TMC5: variants seen among roughly 807,000 people sequenced by gnomAD.
The protein encoded by TMC5 is transmembrane channel like 5, also known as transmembrane channel-like protein 5.
In TMC5, 86 loss-of-function variants were observed where a neutral mutation model predicts 110.5. That is an observed-to-expected ratio of 0.78 (90% CI 0.65 to 0.93). TMC5 has a LOEUF of 0.93. Among genes scored for constraint, TMC5 ranks in the 40% least tolerant of loss-of-function variants. The probability of loss-of-function intolerance (pLI) is 0.00; values close to 1 mark genes in which losing one functional copy is unlikely to be tolerated. For missense variants in TMC5, 1,144 were observed against 1,222.8 expected (o/e 0.94, Z 0.96); for synonymous variants, 455 against 439.5 (o/e 1.04, Z -0.44).
At chr16:19,455,557 C>A (rs1486553876) in intron 5 of TMC5, among the ~76,000 whole-genome samples, 1 of 152,188 alleles carries the variant, frequency 6.6e-6, no homozygotes, top group Non-Finnish European at 1.5e-5. Flanking sequence ...TTTTTCTCTA[C>A]CATCCTTAGC....
At chr16:19,452,763 T>A (rs1967779310) in intron 5 of TMC5, among the ~76,000 whole-genome samples, 2 of 152,184 alleles carry the variant, frequency 1.3e-5, no homozygotes, top group Admixed American at 1.3e-4. Flanking sequence ...TGTGCAGCAT[T>A]CCTTCCTCCA....
At chr16:19,494,656 A>C (rs2143776360) in intron 20 of TMC5, among the ~76,000 whole-genome samples, 1 of 152,228 alleles carries the variant, frequency 6.6e-6, no homozygotes, top group East Asian at 1.9e-4. Context: ...AAAATACAAA[A>C]GTTAGCTGGG....
chr16:19,479,411 G>A lies in TMC5; in HGVS notation c.2170-20G>A. ...AGGCCACAGCCCCTTCCCACATCCTGACTCTTGTTTGCCTTCCAGTGTTGG... is the reference window on the plus strand; with the variant it reads ...AGGCCACAGCCCCTTCCCACATCCTAACTCTTGTTTGCCTTCCAGTGTTGG... On this transcript the variant is annotated intron_variant, in intron 13 of 21. Transcript: ENST00000542583. The A allele has an allele frequency of 6.3e-7, 1 of 1,589,724 alleles. No homozygotes were observed. The highest frequency in any genetic ancestry group is 8.6e-7 in the Non-Finnish European group (1 of 1,157,910).
chr16:19,447,521 T>C (rs531466965), intron 4 of TMC5, among the ~76,000 whole-genome samples: 6 of 152,306 alleles, frequency 3.9e-5, no homozygotes, highest in African/African-American at 1.4e-4. Context: ...TTTAATCATT[T>C]CACATGTGTT....
At position 19,479,487 on chromosome 16, in the gene TMC5, G is replaced by A; in HGVS notation, c.2226G>A (p.Val742=). 1 of 1,614,066 alleles carries A rather than the reference G, an allele frequency of 6.2e-7. No homozygotes were observed. Among genetic ancestry groups the A allele is most frequent in the East Asian group, 2.2e-5 (1 of 44,874 alleles). ...DIYRLLLMDF[V]FSLVNSFLGE... The stretch of plus-strand genomic sequence containing the variant: ...ACCGGCTCCTTCTGATGGATTTTGT[G>A]TTCTCTTTAGTCAATTCCTTCCTGG... The change falls in exon 14 of 22, where the codon GTG becomes GTA. Residue 742 remains valine, a synonymous_variant. Transcript: ENST00000542583.
At chr16:19,422,660 CA>C (rs1171535354) in intron 1 of TMC5, among the ~76,000 whole-genome samples, 2 of 151,982 alleles carry the variant, frequency 1.3e-5, no homozygotes, top group Non-Finnish European at 1.5e-5. Context: ...AATGTCTCTA[CA>C]AAAAAAATTT....
chr16:19,429,927 A>T (rs556365631), intron 1 of TMC5, among the ~76,000 whole-genome samples: 151 of 152,090 alleles, frequency 9.9e-4, no homozygotes, highest in Non-Finnish European at 1.9e-3. Flanking sequence ...AACTTATTTT[A>T]ACTTGATTAC....
intron 6 of TMC5, among the ~76,000 whole-genome samples, chr16:19,460,881 T>C (rs1034201404): frequency 1.3e-5 from 2 of 152,064 alleles, no homozygotes; most frequent in Non-Finnish European, 2.9e-5. Context: ...ACAGGCTGGG[T>C]GTGGTGGCTC....
intron 13 of TMC5, among the ~76,000 whole-genome samples, chr16:19,478,121 C>T (rs544574940): frequency 2.9e-4 from 44 of 152,286 alleles, no homozygotes; most frequent in African/African-American, 1.1e-3. Flanking sequence ...AGCCAGCCTC[C>T]CTGGCCTTCT....
At position 19,440,021 on chromosome 16, in the gene TMC5, T is replaced by G; in HGVS notation, c.-18T>G. The G allele has an allele frequency of 1.3e-6, 2 of 1,594,474 alleles. No homozygotes were observed. The highest frequency in any genetic ancestry group is 1.7e-6 in the Non-Finnish European group (2 of 1,167,802). ...GCTGGGACAGTTTACCACTCCAGGGTGAAGAGTCCATACCAACATGTCTGC... is the reference window on the plus strand; with the variant it reads ...GCTGGGACAGTTTACCACTCCAGGGGGAAGAGTCCATACCAACATGTCTGC... On this transcript the variant is annotated 5_prime_UTR_variant, in exon 3 of 22. An upstream open reading frame in the 5' UTR loses its in-frame stop. Coordinates refer to ENST00000542583, the MANE Select transcript of TMC5 (RefSeq NM_001261841.2).
intron 2 of TMC5, among the ~76,000 whole-genome samples, chr16:19,432,535 G>T (rs1967215841): frequency 1.3e-5 from 2 of 152,162 alleles, no homozygotes; most frequent in South Asian, 4.1e-4. Flanking sequence ...GGAAGCTAAG[G>T]GTAAGGTTCT....
rs1567331866 is a variant in TMC5 at position 19,498,041 on chromosome 16, TGTGCC to T, written c.*76_*80del. 4.8e-6 allele frequency: 7 copies of T among 1,450,016 alleles called. No homozygotes were observed. The Admixed American group carries it at 1.2e-4, about 24-fold the overall frequency. 89.8% of individuals were successfully genotyped at this position (1,450,016 alleles called of 1,614,324 possible). A position where few individuals can be genotyped will look rare whatever the true frequency, so the allele number is the denominator to read the frequency against. ...ATGGAATGATTTCTTCCATGCCACC[TGTGCC>T]TTTAGGAACTGCCCAGAAGAAAATC... On this transcript the variant is annotated 3_prime_UTR_variant, in exon 22 of 22. Transcript: ENST00000542583.
intron 1 of TMC5, among the ~76,000 whole-genome samples, chr16:19,428,120 C>T (rs968798514): frequency 1.3e-5 from 2 of 152,062 alleles, no homozygotes; most frequent in African/African-American, 2.4e-5. Context: ...AAGAAAGGAT[C>T]GTGGTAAAAG....
upstream of TMC5, among the ~76,000 whole-genome samples, chr16:19,416,114 G>A (rs2143324044): frequency 6.6e-6 from 1 of 151,630 alleles, no homozygotes; most frequent in Admixed American, 6.6e-5. Context: ...GAGCCCAACA[G>A]TCAGAGGCTG....
chr16:19,476,296 A>G (rs1968486740), intron 12 of TMC5, among the ~76,000 whole-genome samples: 1 of 152,120 alleles, frequency 6.6e-6, no homozygotes, highest in African/African-American at 2.4e-5. Context: ...GCAGTGAGCC[A>G]TGACCACACC....
chr16:19,446,758 AAGCTCT>A (rs1358754180), intron 4 of TMC5, among the ~76,000 whole-genome samples: 1 of 152,158 alleles, frequency 6.6e-6, no homozygotes, highest in Non-Finnish European at 1.5e-5. Flanking sequence ...CCTGACCACA[AAGCTCT>A]ATAGAACATT....
intron 9 of TMC5, among the ~76,000 whole-genome samples, chr16:19,466,474 C>A (rs927437273): frequency 3.9e-5 from 6 of 152,130 alleles, no homozygotes; most frequent in Non-Finnish European, 8.8e-5. Flanking sequence ...TCCTCAGCCT[C>A]CCGAGTAGCT....
chr16:19,497,845 G>A (rs1023951795), intron 21 of TMC5, 75 bp from the exon 22 acceptor site: 1 of 1,380,198 alleles, frequency 7.2e-7, no homozygotes, highest in African/African-American at 1.4e-5. Context: ...AATCTTGAAG[G>A]CAAGCTGGTC....
intron 1 of TMC5, among the ~76,000 whole-genome samples, chr16:19,421,248 A>G (rs990441792): frequency 2.0e-4 from 30 of 152,088 alleles, no homozygotes; most frequent in African/African-American, 7.0e-4. Flanking sequence ...TCATGTTAAA[A>G]TATTATTTAT....
Sources: allele counts gnomAD v4.1 joint callset (sites outside exome capture counted in the v4.1 genomes callset), GRCh38; gene constraint gnomAD v4.1.1; transcripts MANE v1.5; gene names NCBI Gene and HGNC (gene_info 2026-07-23, HGNC 2026-07-21).